The following FBXL7 variants were observed in gnomAD, a reference collection of about 807,000 sequenced individuals.
The protein encoded by FBXL7 is F-box/LRR-repeat protein 7.
A neutral mutation model predicts 38.3 loss-of-function variants in FBXL7; 12 were observed. The observed-to-expected ratio is 0.31, with a 90% confidence interval of 0.20 to 0.51. The LOEUF (loss-of-function observed/expected upper bound fraction) is 0.51. Among genes scored for constraint, FBXL7 ranks in the 20% least tolerant of loss-of-function variants. The probability of loss-of-function intolerance (pLI) is 0.98; values close to 1 mark genes in which losing one functional copy is unlikely to be tolerated. For missense variants in FBXL7, 567 were observed against 676.4 expected (o/e 0.84, Z 1.79); for synonymous variants, 297 against 300.9 (o/e 0.99, Z 0.13).
At chr5:15,521,586 C>G (rs1423850451) in intron 1 of FBXL7, among the ~76,000 whole-genome samples, 1 of 152,186 alleles carries the variant, frequency 6.6e-6, no homozygotes, top group Non-Finnish European at 1.5e-5. Flanking sequence ...TAGATGCTTT[C>G]ACTTTGGGAA....
chr5:15,590,472 A>G (rs574278247), intron 1 of FBXL7, among the ~76,000 whole-genome samples: 65 of 151,872 alleles, frequency 4.3e-4, no homozygotes, highest in African/African-American at 1.5e-3. Context: ...GTTCCCTACC[A>G]TGGTCTGCAA....
rs551416823 is a variant in FBXL7, at chr5:15,603,612, A to G, written c.38-12371A>G. On this transcript the variant is annotated intron_variant, in intron 1 of 3. Transcript: ENST00000504595. ...AGCGATTTTAAAGAATTCATCTGTG[A>G]ACTGCATCCTGGATCACTCCAGTTA... 6.0e-4 allele frequency among the ~76,000 whole-genome samples: 91 copies of G among 152,296 alleles called. 1 individual carries two copies. Among genetic ancestry groups the G allele is most frequent in the South Asian group, 1.9e-3 (9 of 4,820 alleles).
intron 1 of FBXL7, among the ~76,000 whole-genome samples, chr5:15,583,052 A>G (rs1214895113): frequency 2.0e-5 from 3 of 152,032 alleles, no homozygotes; most frequent in African/African-American, 7.2e-5. Context: ...ACACTTCAGT[A>G]TGGCTGGAGA....
At chr5:15,875,693 C>G (rs1462278886) in intron 2 of FBXL7, among the ~76,000 whole-genome samples, 1 of 152,122 alleles carries the variant, frequency 6.6e-6, no homozygotes, top group Non-Finnish European at 1.5e-5. Context: ...AAATCAAAAC[C>G]ACAATGAAAT....
intron 2 of FBXL7, among the ~76,000 whole-genome samples, chr5:15,640,684 C>T (rs1159515531): frequency 3.3e-5 from 5 of 151,970 alleles, no homozygotes; most frequent in Admixed American, 6.6e-5. Context: ...CCACCACACC[C>T]GGCTAATTTT....
intron 2 of FBXL7, among the ~76,000 whole-genome samples, chr5:15,664,125 A>AGAAACCCC (rs1742188983): frequency 6.6e-6 from 1 of 152,092 alleles, no homozygotes; most frequent in African/African-American, 2.4e-5. Context: ...TATCTCTTAG[A>AGAAACCCC]AATTTTTTTA....
intron 2 of FBXL7, among the ~76,000 whole-genome samples, chr5:15,883,707 T>C (rs2126344502): frequency 6.6e-6 from 1 of 152,262 alleles, no homozygotes; most frequent in South Asian, 2.1e-4. Flanking sequence ...CTGGAGACAA[T>C]TTTTTCAGTG....
intron 1 of FBXL7, among the ~76,000 whole-genome samples, chr5:15,526,519 C>T (rs1031619742): frequency 4.6e-5 from 7 of 152,096 alleles, no homozygotes; most frequent in African/African-American, 1.7e-4. Flanking sequence ...GCCATTTAAT[C>T]AGTGTAAAAC....
chr5:15,644,675 C>T (rs1741475288), intron 2 of FBXL7, among the ~76,000 whole-genome samples: 1 of 152,132 alleles, frequency 6.6e-6, no homozygotes. Flanking sequence ...GATTTTAGTA[C>T]ATTATGGGTG....
intron 2 of FBXL7, among the ~76,000 whole-genome samples, chr5:15,788,058 G>A (rs1041916140): frequency 1.3e-5 from 2 of 152,100 alleles, no homozygotes; most frequent in African/African-American, 4.8e-5. Context: ...TCCTTGACTT[G>A]CAGACCCTTA....
rs77257529 is a variant in FBXL7 at position 15,764,358 on chromosome 5, G to A, written c.127+148286G>A. On this transcript the variant is annotated intron_variant, in intron 2 of 3. Transcript: ENST00000504595. ...TTAAATGAAAATGCAAGTATAGAGAGATGTGTTTTCTCATCATTTTCTCAA... is the reference window on the plus strand; with the variant it reads ...TTAAATGAAAATGCAAGTATAGAGAAATGTGTTTTCTCATCATTTTCTCAA... Among the ~76,000 whole-genome samples the A allele has an allele frequency of 3.3e-3, 502 of 152,312 alleles. 17 individuals are homozygous for A. In the East Asian group the frequency reaches 0.071, roughly 21 times the overall value.
rs150163604 is a variant in FBXL7 at position 15,916,397 on chromosome 5, C to T, written c.128-11493C>T. On this transcript the variant is annotated intron_variant, in intron 2 of 3. Coordinates refer to ENST00000504595, the MANE Select transcript of FBXL7 (RefSeq NM_012304.5). ...GGGGAGCATGGTCTAGATTGAAAAT[C>T]GAATTTGGGGAGTCATTAGCTTATA... Among the ~76,000 whole-genome samples, 50 of 152,204 alleles carry T rather than the reference C, an allele frequency of 3.3e-4. No individual in the cohort carries two copies. In the East Asian group the frequency reaches 3.5e-3, roughly 11 times the overall value.
intron 2 of FBXL7, among the ~76,000 whole-genome samples, chr5:15,715,489 CAA>C (rs1157372026): frequency 5.0e-3 from 377 of 75,240 alleles, no homozygotes; most frequent in Non-Finnish European, 6.6e-3. Flanking sequence ...GACTCCGTCT[CAA>C]AAAAAAAAAA....
intron 2 of FBXL7, among the ~76,000 whole-genome samples, chr5:15,643,045 T>A (rs541776002): frequency 2.0e-5 from 3 of 152,342 alleles, no homozygotes; most frequent in African/African-American, 7.2e-5. Flanking sequence ...TAACAGTTAT[T>A]TGTTTCAGAG....
chr5:15,830,136 C>T (rs1262254301), intron 2 of FBXL7, among the ~76,000 whole-genome samples: 1 of 152,116 alleles, frequency 6.6e-6, no homozygotes, highest in Non-Finnish European at 1.5e-5. Context: ...CATCCCTTCC[C>T]CAAACCTGGG....
intron 2 of FBXL7, among the ~76,000 whole-genome samples, chr5:15,844,560 A>G (rs1458038396): frequency 6.6e-6 from 1 of 152,248 alleles, no homozygotes; most frequent in East Asian, 1.9e-4. Context: ...AGCTGAGTAT[A>G]GAGTATGCAG....
intron 2 of FBXL7, among the ~76,000 whole-genome samples, chr5:15,898,943 T>C (rs1234536931): frequency 2.6e-5 from 4 of 152,116 alleles, no homozygotes; most frequent in Non-Finnish European, 5.9e-5. Flanking sequence ...ACTGAATAAG[T>C]CACAGAGCTT....
Position 15,532,264 on chromosome 5 carries a change from C to T in FBXL7, c.37+31551C>T, listed in dbSNP as rs557792669. 1.6e-4 allele frequency among the ~76,000 whole-genome samples: 25 copies of T among 152,252 alleles called. No individual in the cohort carries two copies. The East Asian group carries it at 4.3e-3, about 26-fold the overall frequency. On this transcript the variant is annotated intron_variant, in intron 1 of 3. Coordinates refer to ENST00000504595, the MANE Select transcript of FBXL7 (RefSeq NM_012304.5). ...CCTGAATATTCTTAGCCTGTAATGG[C>T]GTTCCCATTTTAATAATATTGCCCT...
At chr5:15,779,060 C>T (rs769033759) in intron 2 of FBXL7, among the ~76,000 whole-genome samples, 22 of 152,074 alleles carry the variant, frequency 1.4e-4, no homozygotes, top group Non-Finnish European at 2.6e-4. Flanking sequence ...ATGACATATA[C>T]GCTTAGGATG....
Sources: gnomAD v4.1 joint callset for allele counts (sites outside exome capture counted in the v4.1 genomes callset) on GRCh38, gnomAD v4.1.1 for gene constraint, MANE v1.5 for transcripts, NCBI Gene and HGNC (gene_info 2026-07-23, HGNC 2026-07-21) for gene names.